Variants in SLC39A11 observed in about 807,000 individuals in gnomAD.
SLC39A11 encodes solute carrier family 39 member 11.
Under a neutral mutation model 36.1 loss-of-function variants are expected in SLC39A11, and 33 were observed. That is an observed-to-expected ratio of 0.91 (90% CI 0.69 to 1.22). SLC39A11 has a LOEUF of 1.22. Among genes scored for constraint, SLC39A11 ranks in the 50% most tolerant of loss-of-function variants. The pLI is 0.00. For missense variants in SLC39A11, 432 were observed against 430.3 expected (o/e 1.00, Z -0.03); for synonymous variants, 166 against 170.3 (o/e 0.97, Z 0.20).
intron 7 of SLC39A11, among the ~76,000 whole-genome samples, chr17:72,715,858 C>G (rs1734013135): frequency 6.6e-6 from 1 of 151,928 alleles, no homozygotes; most frequent in African/African-American, 2.4e-5. Context: ...CATGTGCCAC[C>G]TGTAATTTTT....
At chr17:73,030,811 T>C (rs950106680) in intron 4 of SLC39A11, among the ~76,000 whole-genome samples, 1 of 152,172 alleles carries the variant, frequency 6.6e-6, no homozygotes, top group African/African-American at 2.4e-5. Flanking sequence ...TCCCATCGCA[T>C]GACCTGGCCC....
intron 6 of SLC39A11, among the ~76,000 whole-genome samples, chr17:72,744,235 G>T (rs2567467): frequency 6.6e-6 from 1 of 152,260 alleles, no homozygotes; most frequent in African/African-American, 2.4e-5. Flanking sequence ...TACCTGACAG[G>T]CCTGTTCAGG....
At chr17:73,078,337 G>T (rs745465143) in intron 3 of SLC39A11, among the ~76,000 whole-genome samples, 1 of 151,936 alleles carries the variant, frequency 6.6e-6, no homozygotes, top group Admixed American at 6.6e-5. Flanking sequence ...TTAAATAGTT[G>T]CAGAAGATAT....
intron 7 of SLC39A11, chr17:72,713,062 A>C (rs1349932049): frequency 6.6e-6 from 1 of 152,358 alleles, no homozygotes; most frequent in African/African-American, 2.4e-5. Context: ...CAGACAAGAC[A>C]GTCCTAAGAG....
At chr17:72,780,520 T>TGGGGGGGGGGGGGGGGGG (rs140108885) in intron 6 of SLC39A11, among the ~76,000 whole-genome samples, 1 of 55,536 alleles carries the variant, frequency 1.8e-5, no homozygotes, top group Non-Finnish European at 3.4e-5. Flanking sequence ...GCCCTGAAGA[T>TGGGGGGGGGGGGGGGGGG]GGGGGGCGGG....
intron 6 of SLC39A11, among the ~76,000 whole-genome samples, chr17:72,765,638 G>A (rs373417222): frequency 2.6e-4 from 40 of 152,244 alleles, no homozygotes; most frequent in Middle Eastern, 6.8e-3. Flanking sequence ...GAGCTGGGCT[G>A]GACAGTGCTG....
chr17:72,854,652 A>G (rs2079545222), intron 5 of SLC39A11, among the ~76,000 whole-genome samples: 1 of 152,162 alleles, frequency 6.6e-6, no homozygotes, highest in Non-Finnish European at 1.5e-5. Flanking sequence ...TAGGAAAAAA[A>G]AGTTGCCCAT....
chr17:72,951,040 T>C (rs8078192), intron 4 of SLC39A11, among the ~76,000 whole-genome samples: 5,437 of 150,948 alleles, frequency 0.036, 299 homozygotes, highest in African/African-American at 0.12. Context: ...GGTGGGAGGA[T>C]CACTTGAGCC....
chr17:72,727,971 G>T (rs150381903), intron 7 of SLC39A11, among the ~76,000 whole-genome samples: 15 of 152,314 alleles, frequency 9.8e-5, no homozygotes, highest in African/African-American at 3.6e-4. Flanking sequence ...TCTTGGAATA[G>T]TTCCTTTTCT....
At chr17:72,729,401 CTATTTATATATATATATA>C (rs2074064638) in intron 7 of SLC39A11, among the ~76,000 whole-genome samples, 1 of 62,348 alleles carries the variant, frequency 1.6e-5, no homozygotes, top group African/African-American at 4.9e-5. Context: ...CCCCACCTGG[CTATTTATATATATATATA>C]TATATATATA....
chr17:72,772,838 C>G (rs563448102), intron 6 of SLC39A11, among the ~76,000 whole-genome samples: 2 of 152,296 alleles, frequency 1.3e-5, no homozygotes, highest in South Asian at 4.2e-4. Context: ...AATCCCAGCA[C>G]TTTGGGAGGC....
chr17:72,696,420 A>G (rs187149355), intron 7 of SLC39A11, among the ~76,000 whole-genome samples: 1 of 152,288 alleles, frequency 6.6e-6, no homozygotes, highest in Admixed American at 6.5e-5. Context: ...ACTAATCCCC[A>G]TTCTAAGATC....
At chr17:72,957,862 C>T (rs898252905) in intron 4 of SLC39A11, among the ~76,000 whole-genome samples, 4 of 151,034 alleles carry the variant, frequency 2.6e-5, no homozygotes, top group South Asian at 2.1e-4. Flanking sequence ...TGATGGCTTG[C>T]GCCTATAATC....
At chr17:72,807,839 C>T (rs567658466) in intron 6 of SLC39A11, among the ~76,000 whole-genome samples, 2 of 152,118 alleles carry the variant, frequency 1.3e-5, no homozygotes. Context: ...CTGAACCCGA[C>T]GAGGGGGTCG....
intron 6 of SLC39A11, among the ~76,000 whole-genome samples, chr17:72,785,810 T>A (rs529455377): frequency 6.6e-6 from 1 of 152,352 alleles, no homozygotes; most frequent in East Asian, 1.9e-4. Flanking sequence ...AAGTTAAGTA[T>A]GTATCTCAAT....
At position 72,900,218 on chromosome 17, in the gene SLC39A11, A is replaced by AAAGAAAGG. The variant is rs2082318894; in HGVS notation, c.430+47533_430+47534insCCTTTCTT. On this transcript the variant is annotated intron_variant, in intron 5 of 9. Transcript: ENST00000255559. The stretch of plus-strand genomic sequence containing the variant: ...GAAAGAAAGAAAGAAAGAAAGAAAG[A>AAAGAAAGG]AAGAAAGAAAGAAAAAGACAGCAAG... Among the ~76,000 whole-genome samples the AAAGAAAGG allele has an allele frequency of 2.7e-5, 4 of 145,930 alleles. 1 individual carries two copies. The highest frequency in any genetic ancestry group is 6.1e-5 in the Non-Finnish European group (4 of 66,012).
intron 4 of SLC39A11, among the ~76,000 whole-genome samples, chr17:73,029,843 A>G (rs1042502936): frequency 3.9e-5 from 6 of 152,130 alleles, no homozygotes; most frequent in African/African-American, 1.4e-4. Flanking sequence ...CAGACTCCCA[A>G]AGTGTTGGAA....
chr17:73,006,681 C>T (rs1008304217), intron 4 of SLC39A11, among the ~76,000 whole-genome samples: 1 of 147,912 alleles, frequency 6.8e-6, no homozygotes, highest in Non-Finnish European at 1.5e-5. Flanking sequence ...CACACACATG[C>T]ACACACGCAC....
At chr17:72,860,919 A>C in intron 5 of SLC39A11, among the ~76,000 whole-genome samples, 1 of 152,164 alleles carries the variant, frequency 6.6e-6, no homozygotes, top group East Asian at 1.9e-4. Context: ...AAACGAGGGT[A>C]ATAGTATTAC....
Sources: gnomAD v4.1 joint callset for allele counts (sites outside exome capture counted in the v4.1 genomes callset) on GRCh38, gnomAD v4.1.1 for gene constraint, MANE v1.5 for transcripts, NCBI Gene and HGNC (gene_info 2026-07-23, HGNC 2026-07-21) for gene names.